The following LRRFIP1 variants were observed in gnomAD, a reference collection of about 807,000 sequenced individuals.
The protein encoded by LRRFIP1 is leucine-rich repeat flightless-interacting protein 1.
A neutral mutation model predicts 104.4 loss-of-function variants in LRRFIP1; 62 were observed. The observed-to-expected ratio is 0.59, with a 90% CI of 0.48 to 0.73. The LOEUF is 0.73. LRRFIP1 is among the 30% of genes least tolerant of loss of function. The pLI is 0.00. For synonymous variants in LRRFIP1, 300 were observed against 299.0 expected (o/e 1.00, Z -0.03); for missense variants, 796 against 824.5 (o/e 0.97, Z 0.42).
At chr2:237,654,658 C>A (rs2086499330) in intron 1 of LRRFIP1, among the ~76,000 whole-genome samples, 1 of 151,852 alleles carries the variant, frequency 6.6e-6, no homozygotes, top group South Asian at 2.1e-4. Flanking sequence ...TCAAGTGATT[C>A]TCCTGCCTCA....
At chr2:237,716,194 T>C (rs1002442131) in intron 3 of LRRFIP1, among the ~76,000 whole-genome samples, 2 of 152,360 alleles carry the variant, frequency 1.3e-5, no homozygotes, top group African/African-American at 4.8e-5. Context: ...CATCATATTT[T>C]ACTTGTGAAA....
chr2:237,771,573 T>G, intron 20 of LRRFIP1, among the ~76,000 whole-genome samples: 1 of 16,704 alleles, frequency 6.0e-5, no homozygotes, highest in South Asian at 2.1e-3. Flanking sequence ...CCCGCCCAGA[T>G]ACCAAGGGAC....
At chr2:237,687,678 T>C (rs2092475218) in intron 1 of LRRFIP1, among the ~76,000 whole-genome samples, 1 of 150,666 alleles carries the variant, frequency 6.6e-6, no homozygotes, top group Non-Finnish European at 1.5e-5. Flanking sequence ...TTTGTAGAAG[T>C]AATTTACTGA....
chr2:237,740,820 G>A (rs45460898), intron 11 of LRRFIP1, among the ~76,000 whole-genome samples: 7,352 of 152,060 alleles, frequency 0.048, 191 homozygotes, highest in Middle Eastern at 0.12. Context: ...CACTATTTTC[G>A]TGACCCCGAG....
intron 1 of LRRFIP1, among the ~76,000 whole-genome samples, chr2:237,699,686 A>G (rs886064504): frequency 6.6e-6 from 1 of 152,228 alleles, no homozygotes; most frequent in Non-Finnish European, 1.5e-5. Context: ...TGAGCAGTCA[A>G]GGGAAAAGTT....
chr2:237,775,709 G>A (rs900153007), intron 23 of LRRFIP1, among the ~76,000 whole-genome samples: 25 of 152,108 alleles, frequency 1.6e-4, no homozygotes, highest in African/African-American at 4.3e-4. Flanking sequence ...GCGGTGGCCC[G>A]TGCCTGTAGT....
intron 7 of LRRFIP1, among the ~76,000 whole-genome samples, chr2:237,725,563 G>A (rs1420158947): frequency 6.6e-6 from 1 of 152,144 alleles, no homozygotes; most frequent in East Asian, 1.9e-4. Context: ...CTTTAAGAAG[G>A]TCAAAGTACT....
chr2:237,753,042 T>A (rs1462989740), intron 14 of LRRFIP1, among the ~76,000 whole-genome samples: 1 of 152,224 alleles, frequency 6.6e-6, no homozygotes, highest in Admixed American at 6.5e-5. Flanking sequence ...TGTGACCACA[T>A]CCCTTTCCAT....
At chr2:237,686,733 C>T (rs555342141) in intron 1 of LRRFIP1, among the ~76,000 whole-genome samples, 7 of 152,394 alleles carry the variant, frequency 4.6e-5, no homozygotes, top group African/African-American at 1.2e-4. Flanking sequence ...TCCAGACGCT[C>T]TTGCTCTTCT....
intron 1 of LRRFIP1, among the ~76,000 whole-genome samples, chr2:237,685,490 A>G (rs1396161703): frequency 6.6e-6 from 1 of 152,134 alleles, no homozygotes; most frequent in Non-Finnish European, 1.5e-5. Flanking sequence ...AGGTCCTTCA[A>G]TATTGGGTCC....
At chr2:237,636,274 A>AT (rs1470371112) in intron 1 of LRRFIP1, among the ~76,000 whole-genome samples, 1 of 146,740 alleles carries the variant, frequency 6.8e-6, no homozygotes, top group East Asian at 2.0e-4. Flanking sequence ...TAGCCCCATC[A>AT]TTTTTTCTGT....
chr2:237,714,152 T>A, intron 2 of LRRFIP1, 107 bp from the exon 3 acceptor site: 1 of 690,338 alleles, frequency 1.4e-6, no homozygotes. Context: ...ACTGTATTCG[T>A]TGTGACTTGA....
At chr2:237,636,097 CAA>C (rs58896300) in intron 1 of LRRFIP1, among the ~76,000 whole-genome samples, 22,910 of 126,866 alleles carry the variant, frequency 0.18, 1,981 homozygotes, top group Non-Finnish European at 0.22. Flanking sequence ...AACTCTGTCT[CAA>C]AAAAAAAAAA....
chr2:237,765,589 CT>C (rs776999085), intron 19 of LRRFIP1: 7 of 975,896 alleles, frequency 7.2e-6, no homozygotes, highest in Non-Finnish European at 8.5e-6. Flanking sequence ...AGCTGAATCA[CT>C]TTTGGTATTT....
At chr2:237,665,448 G>GT (rs1450354183) in intron 1 of LRRFIP1, among the ~76,000 whole-genome samples, 1 of 152,128 alleles carries the variant, frequency 6.6e-6, no homozygotes, top group East Asian at 1.9e-4. Flanking sequence ...CACTCTTCAC[G>GT]TAAGAATGAG....
At chr2:237,731,344 C>T (rs930300061) in intron 8 of LRRFIP1, among the ~76,000 whole-genome samples, 1 of 152,122 alleles carries the variant, frequency 6.6e-6, no homozygotes, top group African/African-American at 2.4e-5. Flanking sequence ...TTCCTCACCT[C>T]TTCACCCCTT....
chr2:237,763,767 A>G (rs1261818393), intron 19 of LRRFIP1: 4 of 1,614,258 alleles, frequency 2.5e-6, no homozygotes, highest in Non-Finnish European at 3.4e-6. Flanking sequence ...GACACCGTTC[A>G]ATCATCAGGC....
At chr2:237,720,633 T>G in intron 5 of LRRFIP1, 139 bp from the exon 6 acceptor site, 70 of 685,910 alleles carry the variant, frequency 1.0e-4, no homozygotes, top group East Asian at 1.8e-4. Flanking sequence ...TGGTGTCCCC[T>G]GAGATGTCCA....
At chr2:237,778,925 AAAC>A (rs1186821336) in intron 23 of LRRFIP1, among the ~76,000 whole-genome samples, 10 of 150,342 alleles carry the variant, frequency 6.7e-5, no homozygotes, top group East Asian at 2.0e-4. Flanking sequence ...TCAAAAAAAA[AAAC>A]AAACAAAAAA....
Sources: allele counts gnomAD v4.1 joint callset (sites outside exome capture counted in the v4.1 genomes callset), GRCh38; gene constraint gnomAD v4.1.1; transcripts MANE v1.5; gene names NCBI Gene and HGNC (gene_info 2026-07-23, HGNC 2026-07-21).